Variants in DPP6 observed in about 807,000 individuals in gnomAD.
The protein encoded by DPP6 is A-type potassium channel modulatory protein DPP6.
DPP6 carries 69 observed loss-of-function variants against 122.6 expected under a neutral mutation model. The observed-to-expected ratio is 0.56, with a 90% CI of 0.46 to 0.69. DPP6 has a LOEUF of 0.69. Ranked by LOEUF, DPP6 falls within the 30% of genes least tolerant of loss-of-function variation. The pLI, the probability that DPP6 is intolerant of heterozygous loss-of-function variation, is 0.00. For synonymous variants in DPP6, 418 were observed against 433.1 expected (o/e 0.97, Z 0.43); for missense variants, 928 against 1,116.9 (o/e 0.83, Z 2.41).
At chr7:154,780,079 T>G (rs867419027) in intron 10 of DPP6, among the ~76,000 whole-genome samples, 21 of 152,300 alleles carry the variant, frequency 1.4e-4, no homozygotes, top group African/African-American at 3.6e-4. Context: ...TCAAGGAGAT[T>G]GGCTCCAGCA....
chr7:154,612,683 C>A (rs576384994), intron 5 of DPP6, among the ~76,000 whole-genome samples: 4 of 152,242 alleles, frequency 2.6e-5, no homozygotes, highest in African/African-American at 9.6e-5. Flanking sequence ...TGCTGGGTTG[C>A]GTGGTGATTG....
At chr7:154,008,724 C>G (rs372159597) in intron 1 of DPP6, among the ~76,000 whole-genome samples, 6 of 146,228 alleles carry the variant, frequency 4.1e-5, no homozygotes, top group Admixed American at 6.9e-5. Context: ...TGCAGTGGCG[C>G]GATCTCGGCT....
the DPP6 span, among the ~76,000 whole-genome samples, chr7:153,878,916 G>A: frequency 7.2e-5 from 11 of 151,840 alleles, no homozygotes; most frequent in Admixed American, 5.9e-4. Flanking sequence ...ATGGAGTACA[G>A]AGGTAAAGAA....
intron 8 of DPP6, among the ~76,000 whole-genome samples, chr7:154,750,966 C>T (rs1341115096): frequency 6.6e-6 from 1 of 152,134 alleles, no homozygotes; most frequent in African/African-American, 2.4e-5. Flanking sequence ...ACGTAGATTT[C>T]AGAGCAAAAC....
At chr7:154,866,425 C>T (rs1271801562) in intron 17 of DPP6, among the ~76,000 whole-genome samples, 3 of 152,196 alleles carry the variant, frequency 2.0e-5, no homozygotes, top group Non-Finnish European at 4.4e-5. Flanking sequence ...CATGCAGGCC[C>T]CTTGGGGTGG....
At chr7:153,798,121 C>T in the DPP6 span, among the ~76,000 whole-genome samples, 76,850 of 151,808 alleles carry the variant, frequency 0.51, 20,146 homozygotes, top group African/African-American at 0.63. Context: ...GGATTACAGG[C>T]GTGAGCCACC....
chr7:154,439,472 C>A (rs1338027918), intron 1 of DPP6, among the ~76,000 whole-genome samples: 2 of 152,190 alleles, frequency 1.3e-5, no homozygotes, highest in Non-Finnish European at 2.9e-5. Context: ...CAACTTGATA[C>A]CTTTAAAACA....
At chr7:153,843,554 G>A in the DPP6 span, among the ~76,000 whole-genome samples, 16,056 of 152,054 alleles carry the variant, frequency 0.11, 979 homozygotes, top group South Asian at 0.19. Context: ...CAATGCACTG[G>A]ATATACCAGC....
chr7:154,506,917 T>G (rs891752771), intron 3 of DPP6, among the ~76,000 whole-genome samples: 1 of 152,166 alleles, frequency 6.6e-6, no homozygotes, highest in Non-Finnish European at 1.5e-5. Flanking sequence ...CTAGTAGCAA[T>G]AGATTAACAC....
At chr7:153,877,486 A>T in the DPP6 span, among the ~76,000 whole-genome samples, 2 of 152,244 alleles carry the variant, frequency 1.3e-5, no homozygotes, top group South Asian at 2.1e-4. Flanking sequence ...ATCACCAAAA[A>T]CTCGTGAGAA....
chr7:154,382,448 C>A (rs1022129085), intron 1 of DPP6, among the ~76,000 whole-genome samples: 4 of 152,228 alleles, frequency 2.6e-5, no homozygotes, highest in Non-Finnish European at 5.9e-5. Context: ...TCTTAATTAA[C>A]CATTGAGGCA....
chr7:154,617,615 C>T (rs1834348299), intron 5 of DPP6, among the ~76,000 whole-genome samples: 1 of 152,066 alleles, frequency 6.6e-6, no homozygotes, highest in Non-Finnish European at 1.5e-5. Flanking sequence ...GGTGACTGCT[C>T]GTGAACATTT....
chr7:154,166,087 A>G (rs1012250620), intron 1 of DPP6, among the ~76,000 whole-genome samples: 11 of 152,146 alleles, frequency 7.2e-5, no homozygotes, highest in Admixed American at 6.5e-4. Context: ...AGTTTAAAGG[A>G]GCTGCTTCCT....
At chr7:154,389,395 A>G (rs1453790160) in intron 1 of DPP6, among the ~76,000 whole-genome samples, 2 of 152,194 alleles carry the variant, frequency 1.3e-5, no homozygotes, top group African/African-American at 4.8e-5. Flanking sequence ...ATTAATAAAA[A>G]GGAGATGATT....
intron 1 of DPP6, among the ~76,000 whole-genome samples, chr7:154,342,511 G>A (rs913202194): frequency 2.0e-5 from 3 of 152,318 alleles, no homozygotes; most frequent in East Asian, 3.9e-4. Context: ...TGGGGGTGAA[G>A]TGGGCTGTAA....
At chr7:153,767,681 A>T in the DPP6 span, among the ~76,000 whole-genome samples, 2,845 of 53,236 alleles carry the variant, frequency 0.053, 34 homozygotes, top group African/African-American at 0.089. Context: ...GCCCAGCCTA[A>T]AAAAAAGTGA....
intron 1 of DPP6, among the ~76,000 whole-genome samples, chr7:154,258,658 G>A (rs1283483127): frequency 6.6e-6 from 1 of 152,200 alleles, no homozygotes; most frequent in African/African-American, 2.4e-5. Context: ...AATGTATCTG[G>A]GAGTGCTGGC....
the DPP6 span, among the ~76,000 whole-genome samples, chr7:153,773,283 G>GTGTGTGTGTGTGTGTGTC: frequency 2.7e-4 from 39 of 144,568 alleles, no homozygotes; most frequent in Non-Finnish European, 5.0e-4. Flanking sequence ...GTGTGTGTGT[G>GTGTGTGTGTGTGTGTGTC]TGTGTGTGTC....
intron 1 of DPP6, among the ~76,000 whole-genome samples, chr7:154,137,672 C>T (rs1204329702): frequency 6.2e-5 from 6 of 97,302 alleles, no homozygotes; most frequent in Admixed American, 1.1e-4. Context: ...GGGGGTGGGG[C>T]GAGCTAATTA....
Sources: allele counts gnomAD v4.1 joint callset (sites outside exome capture counted in the v4.1 genomes callset), GRCh38; gene constraint gnomAD v4.1.1; transcripts MANE v1.5; gene names NCBI Gene and HGNC (gene_info 2026-07-23, HGNC 2026-07-21).